Variants in ARMC9 observed in about 807,000 individuals in gnomAD.
The protein encoded by ARMC9 is lisH domain-containing protein ARMC9.
Under a neutral mutation model 107.0 loss-of-function variants are expected in ARMC9, and 94 were observed. That is an observed-to-expected ratio of 0.88 (90% CI 0.74 to 1.04). The LOEUF is 1.04. Ranked by LOEUF, ARMC9 falls within the 50% of genes least tolerant of loss-of-function variation. The probability of loss-of-function intolerance (pLI) is 0.00; values close to 1 mark genes in which losing one functional copy is unlikely to be tolerated. For missense variants in ARMC9, 942 were observed against 1,030.1 expected (o/e 0.91, Z 1.17); for synonymous variants, 380 against 396.9 (o/e 0.96, Z 0.51).
intron 21 of ARMC9, among the ~76,000 whole-genome samples, chr2:231,350,514 T>C (rs1211061490): frequency 6.6e-6 from 1 of 150,816 alleles, no homozygotes; most frequent in Admixed American, 6.6e-5. Context: ...CCTAGCACTT[T>C]GGGAGGTTGA....
rs188339632 is a variant in ARMC9, at chr2:231,210,958, A to G, written c.177+2706A>G. On this transcript the variant is annotated intron_variant, in intron 3 of 24. Coordinates refer to ENST00000611582, the MANE Select transcript of ARMC9 (RefSeq NM_001352754.2). ...GCAGCCACTATTCTACTTTCTGTCT[A>G]TGAATTGGCTACTTTAGATATGTCA... Among the ~76,000 whole-genome samples the G allele has an allele frequency of 1.6e-4, 25 of 152,262 alleles. No individual in the cohort carries two copies. In the East Asian group the frequency reaches 3.5e-3, roughly 21 times the overall value.
At chr2:231,291,967 G>A (rs1171319120) in intron 18 of ARMC9, among the ~76,000 whole-genome samples, 6 of 151,762 alleles carry the variant, frequency 4.0e-5, no homozygotes, top group East Asian at 3.9e-4. Flanking sequence ...TCAGGAGTTC[G>A]AGACCAGCCT....
In ARMC9 at chr2:231,369,886, A is replaced by G. The variant is rs2045951269; in HGVS notation, c.2262-67A>G. The stretch of plus-strand genomic sequence containing the variant: ...TGGGATTATAGGCGGGAGCCACCAC[A>G]CCCGGCCCCTCCTGTGGTTTCTAAT... On this transcript the variant is annotated intron_variant, in intron 23 of 24. Coordinates refer to ENST00000611582, the MANE Select transcript of ARMC9 (RefSeq NM_001352754.2). The G allele has an allele frequency of 2.2e-6, 3 of 1,369,390 alleles. No individual in the cohort carries two copies. The Admixed American group carries it at 8.6e-5, about 39-fold the overall frequency. 84.8% of individuals were successfully genotyped at this position (1,369,390 alleles called of 1,614,324 possible). A position where few individuals can be genotyped will look rare whatever the true frequency, so the allele number is the denominator to read the frequency against.
At chr2:231,324,500 C>G (rs1454298094) in intron 19 of ARMC9, among the ~76,000 whole-genome samples, 2 of 150,914 alleles carry the variant, frequency 1.3e-5, no homozygotes, top group African/African-American at 4.9e-5. Context: ...GCCTGTAATC[C>G]CAGCACTTCG....
chr2:231,276,723 C>CA lies in ARMC9; in HGVS notation c.1423dup (p.Thr475AsnfsTer40), dbSNP rs1331571804. ...AGGACCCTGACTGCCTGTCTGACTA[C>CA]ACGCTGGAGTACTCGGTGGCTTTGC... On this transcript the variant is annotated frameshift_variant, in exon 15 of 25. Transcript: ENST00000611582. LOFTEE classifies it high-confidence loss of function. 6.2e-7 allele frequency: 1 copy of CA among 1,614,200 alleles called. No individual in the cohort carries two copies.
chr2:231,304,759 T>G (rs1346298369), intron 19 of ARMC9, among the ~76,000 whole-genome samples: 1 of 152,158 alleles, frequency 6.6e-6, no homozygotes, highest in East Asian at 1.9e-4. Flanking sequence ...ACCAATAGCA[T>G]CAGAAAAGCC....
Position 231,262,307 on chromosome 2 carries a change from G to C in ARMC9, c.1028G>C (p.Arg343Pro). The change falls in exon 12 of 25, where the codon CGC becomes CCC. Residue 343 changes from arginine to proline, a missense_variant and splice_region_variant. Arg to Pro is a moderately radical substitution (Grantham distance 103, BLOSUM62 -2). Coordinates refer to ENST00000611582, the MANE Select transcript of ARMC9 (RefSeq NM_001352754.2). ...KAFLLQALRW[R>P]LTTSHPGEQR... ...TACTTTTGTTTTTCTTTGCTCCAGCGCTTGACCACATCCCATCCTGGAGAG... is the reference window on the plus strand; with the variant it reads ...TACTTTTGTTTTTCTTTGCTCCAGCCCTTGACCACATCCCATCCTGGAGAG... 1 of 1,614,046 alleles carries C rather than the reference G, an allele frequency of 6.2e-7. No individual in the cohort carries two copies. The highest frequency in any genetic ancestry group is 8.5e-7 in the Non-Finnish European group (1 of 1,179,978).
chr2:231,343,816 G>A (rs2044659736), intron 20 of ARMC9, among the ~76,000 whole-genome samples: 1 of 151,564 alleles, frequency 6.6e-6, no homozygotes, highest in East Asian at 1.9e-4. Flanking sequence ...GCGTGCACTT[G>A]TAATCCCATC....
chr2:231,227,483 C>G (rs1053720988), intron 7 of ARMC9, among the ~76,000 whole-genome samples: 3 of 152,182 alleles, frequency 2.0e-5, no homozygotes, highest in Non-Finnish European at 2.9e-5. Context: ...GATGGCATAA[C>G]CCTCAGTTCC....
chr2:231,233,441 T>C (rs928149684), intron 7 of ARMC9, among the ~76,000 whole-genome samples: 1 of 152,150 alleles, frequency 6.6e-6, no homozygotes, highest in African/African-American at 2.4e-5. Context: ...AGAGCTTGCA[T>C]GCCACTGCTT....
In ARMC9 at chr2:231,255,581, G is replaced by T. The variant is rs532617400; in HGVS notation, c.880-1005G>T. ...AAGAAAATAAAGGAATCAAAGAATG[G>T]TTACTCCGTAGGCAGAGCAGCCTCT... On this transcript the variant is annotated intron_variant, in intron 9 of 24. Coordinates refer to ENST00000611582, the MANE Select transcript of ARMC9 (RefSeq NM_001352754.2). This position sits in a 1 kb window ranked among gnomAD's most constrained non-coding sequence, Gnocchi z 4.7. 1.3e-5 allele frequency among the ~76,000 whole-genome samples: 2 copies of T among 152,202 alleles called. No individual in the cohort carries two copies. The highest frequency in any genetic ancestry group is 4.8e-5 in the African/African-American group (2 of 41,522).
chr2:231,303,359 C>T (rs1460605206), intron 19 of ARMC9, among the ~76,000 whole-genome samples: 2 of 152,166 alleles, frequency 1.3e-5, no homozygotes, highest in Non-Finnish European at 2.9e-5. Context: ...TCTTGCCTTG[C>T]CTGATTGTGC....
At chr2:231,227,974 C>T (rs1047651680) in intron 7 of ARMC9, among the ~76,000 whole-genome samples, 3 of 152,170 alleles carry the variant, frequency 2.0e-5, no homozygotes, top group Non-Finnish European at 2.9e-5. Context: ...CTCCAAGGGT[C>T]GCAGGAGCAC....
At chr2:231,277,039 G>A (rs990347949) in intron 15 of ARMC9, among the ~76,000 whole-genome samples, 1 of 152,088 alleles carries the variant, frequency 6.6e-6, no homozygotes, top group African/African-American at 2.4e-5. Context: ...TTTCTTTATT[G>A]CATTATTCAG....
chr2:231,371,685 G>C lies in ARMC9; in HGVS notation c.*150G>C. On this transcript the variant is annotated 3_prime_UTR_variant, in exon 25 of 25. Transcript: ENST00000611582. The stretch of plus-strand genomic sequence containing the variant: ...GAGGCCGGCTCTCCAGGCAGCACCA[G>C]AGCAAGGCCATCGCAGCCCCGCCAG... 1 of 809,772 alleles carries C rather than the reference G, an allele frequency of 1.2e-6. No individual in the cohort carries two copies. Among genetic ancestry groups the C allele is most frequent in the Non-Finnish European group, 1.7e-6 (1 of 602,710 alleles). 50.2% of individuals were successfully genotyped at this position (809,772 alleles called of 1,614,324 possible).
rs1261485989 is a variant in ARMC9, at chr2:231,324,330, A to G, written c.1774-7463A>G. On this transcript the variant is annotated intron_variant, in intron 19 of 24. Transcript: ENST00000611582. ...TTTAGTAAAGACGGGGTTTCACCAT[A>G]TTGGCCAGGCTGGTCTTGAACGCCT... Among the ~76,000 whole-genome samples, 10 of 150,888 alleles carry G rather than the reference A, an allele frequency of 6.6e-5. No individual in the cohort carries two copies. In the South Asian group the frequency reaches 8.4e-4, roughly 13 times the overall value.
chr2:231,205,196 C>G (rs560006340), intron 1 of ARMC9, among the ~76,000 whole-genome samples: 5 of 146,748 alleles, frequency 3.4e-5, no homozygotes, highest in African/African-American at 1.0e-4. Flanking sequence ...CTCCCTGTCT[C>G]TACTTAAAAA....
intron 9 of ARMC9, among the ~76,000 whole-genome samples, chr2:231,246,402 G>A (rs141415078): frequency 6.6e-6 from 1 of 152,138 alleles, no homozygotes; most frequent in Non-Finnish European, 1.5e-5. Context: ...TCTGATCTTT[G>A]TGTCCTTGAG....
In ARMC9 at chr2:231,297,578, T is replaced by A. The variant is rs2125486196; in HGVS notation, c.1773+1325T>A. 6.6e-6 allele frequency among the ~76,000 whole-genome samples: 1 copy of A among 152,332 alleles called. No homozygotes were observed. The highest frequency in any genetic ancestry group is 3.4e-3 in the Middle Eastern group (1 of 294). On this transcript the variant is annotated intron_variant, in intron 19 of 24. Transcript: ENST00000611582. This position sits in a 1 kb window ranked among gnomAD's most constrained non-coding sequence, Gnocchi z 4.2. ...TTCCTGTAAAACTATTTATGGACGCTAAAAATTTGAATTTCATACAATTTT... is the reference window on the plus strand; with the variant it reads ...TTCCTGTAAAACTATTTATGGACGCAAAAAATTTGAATTTCATACAATTTT...
Sources: allele counts gnomAD v4.1 joint callset (sites outside exome capture counted in the v4.1 genomes callset), GRCh38; gene constraint gnomAD v4.1.1; non-coding constraint Gnocchi (gnomAD v3.1); transcripts MANE v1.5; gene names NCBI Gene and HGNC (gene_info 2026-07-23, HGNC 2026-07-21).